The following SLC22A9 variants were observed in gnomAD, a reference collection of about 807,000 sequenced individuals.
SLC22A9 encodes the protein organic anion transporter 7.
A neutral mutation model predicts 50.1 loss-of-function variants in SLC22A9; 64 were observed. The observed-to-expected ratio is 1.28, with a 90% confidence interval of 1.04 to 1.57. SLC22A9 has a LOEUF of 1.57. Ranked by LOEUF, SLC22A9 falls within the 40% of genes most tolerant of loss-of-function variation. The probability of loss-of-function intolerance (pLI) is 0.00; values close to 1 mark genes in which losing one functional copy is unlikely to be tolerated. For missense variants in SLC22A9, 757 were observed against 676.1 expected (o/e 1.12, Z -1.33); for synonymous variants, 261 against 242.5 (o/e 1.08, Z -0.71).
rs762196631 is a variant in SLC22A9, at chr11:63,371,219, G to T, written c.487G>T (p.Gly163Cys). 10 of 1,612,930 alleles carry T rather than the reference G, an allele frequency of 6.2e-6. No individual in the cohort carries two copies. The highest frequency in any genetic ancestry group is 8.5e-6 in the Non-Finnish European group (10 of 1,179,256). Residue 163 changes from glycine to cysteine, a missense_variant, in exon 2 of 10, where the codon GGC (glycine) becomes TGC (cysteine). Gly to Cys is a radical substitution (Grantham distance 159). Coordinates refer to ENST00000279178, the MANE Select transcript of SLC22A9 (RefSeq NM_080866.3). The part of the protein sequence containing the change: ...MAGMMVGGIL[G>C]GHLSDRFGRR... The stretch of plus-strand genomic sequence containing the variant: ...TGGAATGATGGTGGGAGGCATCCTA[G>T]GCGGTCATTTATCAGACAGGTGAGT...
At position 63,406,679 on chromosome 11, in the gene SLC22A9, T is replaced by C. The variant is rs373102491; in HGVS notation, c.1256T>C (p.Ile419Thr). Residue 419 changes from isoleucine (I) to threonine (T), a missense_variant, in exon 7 of 10, where the codon ATC (isoleucine) becomes ACC (threonine). By Grantham distance (89) the Ile-to-Thr change is moderately conservative. Transcript: ENST00000279178. ...SQMLLMFLLA[I>T]CLLAIIFVPQ... ...ATGCTTCTCATGTTCCTACTGGCAATCTGCCTTCTGGCCATCATATTTGTG... is the reference window on the plus strand; with the variant it reads ...ATGCTTCTCATGTTCCTACTGGCAACCTGCCTTCTGGCCATCATATTTGTG... 2.4e-5 allele frequency: 38 copies of C among 1,613,654 alleles called. No homozygotes were observed. The highest frequency in any genetic ancestry group is 3.3e-5 in the Admixed American group (2 of 59,902).
intron 5 of SLC22A9, among the ~76,000 whole-genome samples, chr11:63,377,115 C>T (rs924828852): frequency 1.3e-5 from 2 of 152,040 alleles, no homozygotes; most frequent in Non-Finnish European, 2.9e-5. Context: ...ATTCAACACC[C>T]CACTGGCAGT....
intron 6 of SLC22A9, among the ~76,000 whole-genome samples, chr11:63,401,652 A>T (rs550595167): frequency 6.6e-6 from 1 of 152,180 alleles, no homozygotes; most frequent in South Asian, 2.1e-4. Context: ...ATCAAAAAAG[A>T]CCCATAAAGC....
intron 6 of SLC22A9, among the ~76,000 whole-genome samples, chr11:63,395,107 A>G (rs190959242): frequency 1.3e-5 from 2 of 151,778 alleles, no homozygotes; most frequent in African/African-American, 4.8e-5. Context: ...CTTTTTCTTT[A>G]TGCTATCTAT....
chr11:63,380,270 G>T (rs983208039), intron 5 of SLC22A9, among the ~76,000 whole-genome samples: 2 of 152,158 alleles, frequency 1.3e-5, no homozygotes, highest in Non-Finnish European at 2.9e-5. Context: ...ACTGTGGAAA[G>T]CAGTGTGGAG....
At position 63,409,837 on chromosome 11, in the gene SLC22A9, C is replaced by G; in HGVS notation, c.1637C>G (p.Pro546Arg). The G allele has an allele frequency of 1.2e-6, 2 of 1,613,374 alleles. No individual in the cohort carries two copies. Among genetic ancestry groups the G allele is most frequent in the Non-Finnish European group, 1.7e-6 (2 of 1,179,752 alleles). ...CCCAGAGAACCAAAGCAAGAGGATC[C>G]GAGAGTGGAAGTGACGCAGTTTTAA... ...KDPREPKQEDPRVEVTQF is the reference protein window; with the variant it reads ...KDPREPKQEDRRVEVTQF The change falls in exon 10 of 10, where the codon CCG (proline) becomes CGG (arginine). Residue 546 changes from proline (P) to arginine (R), a missense_variant. Transcript: ENST00000279178.
intron 4 of SLC22A9, 120 bp downstream of exon 4, chr11:63,374,182 T>C: frequency 1.0e-6 from 1 of 959,154 alleles, no homozygotes; most frequent in Non-Finnish European, 1.5e-6. Context: ...CCTCTCATAA[T>C]CTGTGCTTGA....
chr11:63,384,351 T>C (rs1346899865), intron 6 of SLC22A9, among the ~76,000 whole-genome samples: 1 of 151,928 alleles, frequency 6.6e-6, no homozygotes, highest in East Asian at 1.9e-4. Flanking sequence ...GTCTATGTGT[T>C]CTCATTGTTC....
At chr11:63,377,245 C>G (rs780288753) in intron 5 of SLC22A9, among the ~76,000 whole-genome samples, 1 of 151,990 alleles carries the variant, frequency 6.6e-6, no homozygotes, top group Non-Finnish European at 1.5e-5. Context: ...GCAGAATATA[C>G]GTTATTCTCC....
intron 7 of SLC22A9, 130 bp downstream of exon 7, chr11:63,406,841 T>C: frequency 2.0e-6 from 2 of 1,024,398 alleles, no homozygotes; most frequent in Non-Finnish European, 2.8e-6. Context: ...GACACCAATC[T>C]GGGGATTTGG....
chr11:63,376,127 G>A (rs2014457000), intron 5 of SLC22A9, among the ~76,000 whole-genome samples: 1 of 152,052 alleles, frequency 6.6e-6, no homozygotes, highest in Non-Finnish European at 1.5e-5. Context: ...GGGTAGTAAA[G>A]CCAGAGGAAG....
rs2014322915 is a variant in SLC22A9 at position 63,370,132 on chromosome 11, A to G, written c.76A>G (p.Ile26Val). 1 of 1,613,962 alleles carries G rather than the reference A, an allele frequency of 6.2e-7. No homozygotes were observed. Among genetic ancestry groups the G allele is most frequent in the Non-Finnish European group, 8.5e-7 (1 of 1,179,918 alleles). The change falls in exon 1 of 10, where the codon ATC (isoleucine) becomes GTC (valine). Residue 26 changes from isoleucine to valine, a missense_variant. Ile to Val is a conservative substitution (Grantham distance 29). Coordinates refer to ENST00000279178, the MANE Select transcript of SLC22A9 (RefSeq NM_080866.3). ...FQILQTVFLS[I>V]FAVATYLHFM... ...GATCCTTCAGACTGTTTTTCTCTCA[A>G]TCTTTGCTGTTGCTACATACCTTCA...
At chr11:63,396,765 T>TC (rs2014865309) in intron 6 of SLC22A9, among the ~76,000 whole-genome samples, 1 of 152,204 alleles carries the variant, frequency 6.6e-6, no homozygotes, top group African/African-American at 2.4e-5. Context: ...TCTGATTTTT[T>TC]TCTCTGTGTT....
intron 6 of SLC22A9, among the ~76,000 whole-genome samples, chr11:63,402,541 G>C (rs1386988058): frequency 6.6e-6 from 1 of 151,926 alleles, no homozygotes; most frequent in Admixed American, 6.6e-5. Context: ...TTGAAATCAG[G>C]TAGTGTGATG....
chr11:63,374,130 C>T (rs1029569755), intron 4 of SLC22A9, 68 bp downstream of exon 4: 5 of 1,432,054 alleles, frequency 3.5e-6, no homozygotes, highest in East Asian at 2.4e-5. Flanking sequence ...AACTAGGACA[C>T]CTGAATTTCT....
chr11:63,373,206 A>G (rs2014396195), intron 2 of SLC22A9, among the ~76,000 whole-genome samples: 1 of 147,688 alleles, frequency 6.8e-6, no homozygotes. Context: ...TTCCTTTCAC[A>G]TCAGTATACC....
chr11:63,370,031 A>T lies in SLC22A9; in HGVS notation c.-26A>T. ...CTCTGGATACAGTCATTTTGCCTCT[A>T]CTTGAGGATCAACTGTTCAACCTCA... On this transcript the variant is annotated 5_prime_UTR_variant, in exon 1 of 10. Transcript: ENST00000279178. 1.9e-6 allele frequency: 3 copies of T among 1,592,936 alleles called. No homozygotes were observed. Among genetic ancestry groups the T allele is most frequent in the South Asian group, 2.3e-5 (2 of 86,618 alleles).
chr11:63,382,335 C>T (rs1447298781), intron 6 of SLC22A9, 58 bp downstream of exon 6: 2 of 1,282,490 alleles, frequency 1.6e-6, no homozygotes, highest in Non-Finnish European at 2.2e-6. Flanking sequence ...GAATCTTGTC[C>T]TCATTTCAAG....
At chr11:63,408,923 T>C (rs1419173713) in intron 9 of SLC22A9, 44 bp downstream of exon 9, 22 of 1,601,858 alleles carry the variant, frequency 1.4e-5, no homozygotes, top group Non-Finnish European at 1.8e-5. Context: ...CTGTGTGCTA[T>C]AGGTCTGTGC....
Sources: allele counts gnomAD v4.1 joint callset (sites outside exome capture counted in the v4.1 genomes callset), GRCh38; gene constraint gnomAD v4.1.1; transcripts MANE v1.5; gene names NCBI Gene and HGNC (gene_info 2026-07-23, HGNC 2026-07-21).